Variants in LRRIQ3 observed in about 807,000 individuals in gnomAD.
LRRIQ3 encodes leucine rich repeats and IQ motif containing 3, also known as leucine-rich repeat and IQ domain-containing protein 3.
A neutral mutation model predicts 59.3 loss-of-function variants in LRRIQ3; 75 were observed. That is an observed-to-expected ratio of 1.26 (90% confidence interval 1.05 to 1.53). The LOEUF (loss-of-function observed/expected upper bound fraction) is 1.53. Ranked by LOEUF, LRRIQ3 falls within the 40% of genes most tolerant of loss-of-function variation. LRRIQ3 has a pLI of 0.00. For synonymous variants in LRRIQ3, 250 were observed against 231.3 expected, an observed-to-expected ratio of 1.08 and a Z score of -0.73; for missense variants, 831 against 710.0, an observed-to-expected ratio of 1.17 and a Z score of -1.94.
intron 4 of LRRIQ3, among the ~76,000 whole-genome samples, chr1:74,147,974 GAT>G (rs1247405428): frequency 6.6e-6 from 1 of 152,030 alleles, no homozygotes; most frequent in Non-Finnish European, 1.5e-5. Flanking sequence ...TTGCTTTTCT[GAT>G]ATCTTTGTAT....
At chr1:74,101,339 C>A (rs1217787269) in intron 5 of LRRIQ3, among the ~76,000 whole-genome samples, 3 of 152,042 alleles carry the variant, frequency 2.0e-5, no homozygotes, top group Middle Eastern at 3.2e-3. Flanking sequence ...CAGAGAAATG[C>A]AAATAAAAAC....
At chr1:74,110,594 C>T (rs979208278) in intron 4 of LRRIQ3, among the ~76,000 whole-genome samples, 2 of 151,928 alleles carry the variant, frequency 1.3e-5, no homozygotes, top group African/African-American at 4.8e-5. Context: ...ATAAAATAAT[C>T]GTTTGAAGTA....
At chr1:74,138,140 C>T (rs1482385292) in intron 4 of LRRIQ3, among the ~76,000 whole-genome samples, 1 of 138,588 alleles carries the variant, frequency 7.2e-6, no homozygotes, top group Non-Finnish European at 1.6e-5. Context: ...GGCTCTTTTG[C>T]TTCCTTTAAA....
At chr1:74,055,064 G>A (rs111750908) in intron 6 of LRRIQ3, among the ~76,000 whole-genome samples, 2,853 of 147,600 alleles carry the variant, frequency 0.019, 81 homozygotes, top group African/African-American at 0.066. Flanking sequence ...TATTAAGTGT[G>A]TAATCCAGTG....
intron 7 of LRRIQ3, among the ~76,000 whole-genome samples, chr1:74,033,496 A>G (rs1653779608): frequency 6.6e-6 from 1 of 152,010 alleles, no homozygotes; most frequent in Non-Finnish European, 1.5e-5. Flanking sequence ...TTGAAAAGAT[A>G]GATTTTAGTT....
At chr1:74,165,725 T>A (rs1648941343) in intron 3 of LRRIQ3, among the ~76,000 whole-genome samples, 1 of 151,660 alleles carries the variant, frequency 6.6e-6, no homozygotes, top group Admixed American at 6.6e-5. Flanking sequence ...TTTCTTGATG[T>A]TTTTCCTCAA....
intron 5 of LRRIQ3, among the ~76,000 whole-genome samples, chr1:74,099,621 C>T (rs1233750477): frequency 3.3e-5 from 5 of 152,056 alleles, no homozygotes; most frequent in African/African-American, 1.2e-4. Context: ...AATTTTAGAC[C>T]AATATCCCTG....
At chr1:74,081,254 C>A (rs899458290) in intron 5 of LRRIQ3, among the ~76,000 whole-genome samples, 7 of 151,694 alleles carry the variant, frequency 4.6e-5, no homozygotes, top group African/African-American at 1.4e-4. Flanking sequence ...CTTCTACACA[C>A]AACTTAGCCA....
intron 3 of LRRIQ3, chr1:74,181,052 T>C (rs913873849): frequency 2.1e-5 from 9 of 431,290 alleles, no homozygotes; most frequent in African/African-American, 1.6e-4. Context: ...CCACTGAATC[T>C]CCAAGTCCCA....
At chr1:74,154,696 C>G (rs527533510) in intron 4 of LRRIQ3, among the ~76,000 whole-genome samples, 1 of 152,152 alleles carries the variant, frequency 6.6e-6, no homozygotes, top group South Asian at 2.1e-4. Context: ...ACATTAAATT[C>G]CAATGCAAAA....
chr1:74,091,427 CTA>C (rs1449054223), intron 5 of LRRIQ3, among the ~76,000 whole-genome samples: 1 of 151,952 alleles, frequency 6.6e-6, no homozygotes, highest in Non-Finnish European at 1.5e-5. Flanking sequence ...TGAACAAAGA[CTA>C]TAGAGTTACT....
At chr1:74,078,720 T>C (rs1453162487) in intron 5 of LRRIQ3, 1 of 151,782 alleles carries the variant, frequency 6.6e-6, no homozygotes, top group African/African-American at 2.4e-5. Flanking sequence ...TTGGATAACC[T>C]GGAACATGAA....
intron 1 of LRRIQ3, among the ~76,000 whole-genome samples, chr1:74,187,493 C>T (rs938499833): frequency 8.6e-5 from 13 of 151,916 alleles, no homozygotes; most frequent in Admixed American, 7.9e-4. Flanking sequence ...GAATGGAAAA[C>T]CAAATATCAT....
At chr1:74,132,695 C>G (rs1026677132) in intron 4 of LRRIQ3, among the ~76,000 whole-genome samples, 6 of 152,070 alleles carry the variant, frequency 3.9e-5, no homozygotes, top group African/African-American at 1.4e-4. Context: ...CTTCCTTATA[C>G]CTTATACAAA....
Position 74,183,573 on chromosome 1 carries a change from G to T in LRRIQ3, c.112C>A (p.Leu38Ile). The change falls in exon 2 of 8, where the codon CTT becomes ATT. Residue 38 changes from leucine to isoleucine, a missense_variant. Coordinates refer to ENST00000354431, the MANE Select transcript of LRRIQ3 (RefSeq NM_001105659.2). ...AAATTTTCCATAGACTTTAAATGAA[G>T]GCCATTGAACTTCACAAAAACAAAA... is the stretch of plus-strand genomic sequence containing the variant. ...KDFVFVKFNG[L>I]HLKSMENLQS... is the part of the protein sequence containing the mutation. 2 of 1,611,898 alleles carry T rather than the reference G, an allele frequency of 1.2e-6. No homozygotes were observed. Among genetic ancestry groups the T allele is most frequent in the East Asian group, 4.5e-5 (2 of 44,680 alleles).
intron 4 of LRRIQ3, among the ~76,000 whole-genome samples, chr1:74,134,558 C>G (rs980500319): frequency 6.6e-6 from 1 of 151,804 alleles, no homozygotes; most frequent in Admixed American, 6.6e-5. Flanking sequence ...CTATAACACT[C>G]TTTTCTTGGG....
chr1:74,145,398 C>A (rs922296616), intron 4 of LRRIQ3, among the ~76,000 whole-genome samples: 2 of 152,154 alleles, frequency 1.3e-5, no homozygotes, highest in Non-Finnish European at 2.9e-5. Context: ...AAGCCAGTTA[C>A]TCTGTCTTCC....
chr1:74,128,183 T>C (rs1646963456), intron 4 of LRRIQ3, among the ~76,000 whole-genome samples: 1 of 152,058 alleles, frequency 6.6e-6, no homozygotes, highest in South Asian at 2.1e-4. Flanking sequence ...GATTATTAAA[T>C]ACCTTGAGGT....
intron 4 of LRRIQ3, among the ~76,000 whole-genome samples, chr1:74,124,458 C>T (rs1027287222): frequency 6.6e-6 from 1 of 151,784 alleles, no homozygotes; most frequent in African/African-American, 2.4e-5. Context: ...GGAGAATTTC[C>T]CCAACGTTTT....
Sources: allele counts gnomAD v4.1 joint callset (sites outside exome capture counted in the v4.1 genomes callset), GRCh38; gene constraint gnomAD v4.1.1; transcripts MANE v1.5; gene names NCBI Gene and HGNC (gene_info 2026-07-23, HGNC 2026-07-21).